Variants in SYT1 observed in about 807,000 individuals in gnomAD.
SYT1 encodes the protein synaptotagmin 1, also known as synaptotagmin-1.
A neutral mutation model predicts 44.8 loss-of-function variants in SYT1; 8 were observed. That is an observed-to-expected ratio of 0.18 (90% confidence interval 0.10 to 0.32). The LOEUF (loss-of-function observed/expected upper bound fraction) is 0.32, where lower values mean the gene tolerates loss of function less well. SYT1 is among the 10% of genes least tolerant of loss of function. The pLI is 1.00. For missense variants in SYT1, 286 were observed against 509.3 expected (o/e 0.56, Z 4.22); for synonymous variants, 154 against 188.8 (o/e 0.82, Z 1.51).
chr12:79,131,923 A>G (rs138162032), intron 3 of SYT1, among the ~76,000 whole-genome samples: 2 of 152,314 alleles, frequency 1.3e-5, no homozygotes, highest in African/African-American at 2.4e-5. Flanking sequence ...CTATACATGT[A>G]TGGAGCTATG....
chr12:79,353,677 T>C (rs1410715279), intron 9 of SYT1, 58 bp downstream of exon 9: 1 of 1,248,328 alleles, frequency 8.0e-7, no homozygotes, highest in Non-Finnish European at 1.2e-6. Flanking sequence ...GGATACCAAA[T>C]GCATGGCGCA....
chr12:79,443,775 T>C (rs1475330349), intron 9 of SYT1, among the ~76,000 whole-genome samples: 4 of 152,146 alleles, frequency 2.6e-5, no homozygotes, highest in Non-Finnish European at 5.9e-5. Context: ...GGGGTATATA[T>C]ATACCATAGA....
chr12:79,005,774 A>C (rs1871037600), intron 2 of SYT1, among the ~76,000 whole-genome samples: 1 of 152,100 alleles, frequency 6.6e-6, no homozygotes, highest in South Asian at 2.1e-4. Flanking sequence ...AGAGTTCCAA[A>C]AGCTTTCACT....
chr12:79,147,436 A>AT (rs1869988252), intron 3 of SYT1, among the ~76,000 whole-genome samples: 1 of 151,982 alleles, frequency 6.6e-6, no homozygotes, highest in African/African-American at 2.4e-5. Context: ...TGTACAGCCT[A>AT]TTTTTTTTCT....
In SYT1 at chr12:78,878,761, G is replaced by A. The variant is rs1026149531; in HGVS notation, c.-217+13652G>A. ...ACAAAAGCCTCAAGGGCTTCAGCAC[G>A]AAAGCTTTATTCCTTGGACATACCA... On this transcript the variant is annotated intron_variant, in intron 1 of 10. Transcript: ENST00000261205. Among the ~76,000 whole-genome samples the A allele has an allele frequency of 9.2e-5, 14 of 151,682 alleles. 1 individual carries two copies. Among genetic ancestry groups the A allele is most frequent in the Non-Finnish European group, 3.0e-5 (2 of 67,794 alleles).
chr12:78,983,107 T>G (rs1157538892), intron 2 of SYT1, among the ~76,000 whole-genome samples: 1 of 151,760 alleles, frequency 6.6e-6, no homozygotes, highest in Non-Finnish European at 1.5e-5. Flanking sequence ...TTTCAGTCAG[T>G]AATCCTACTC....
rs200911530 is a variant in SYT1 at position 79,042,021 on chromosome 12, T to G, written c.-83-5276T>G. 3.8e-3 allele frequency among the ~76,000 whole-genome samples: 572 copies of G among 151,078 alleles called. 10 individuals carry two copies. In the East Asian group the frequency reaches 0.059, roughly 16 times the overall value. On this transcript the variant is annotated intron_variant, in intron 2 of 10. Transcript: ENST00000261205. ...GCTTTTTGATGTGCTGCTGGATTCGTTTTGCCAGTATTTTATTGAGGATTT... is the reference window on the plus strand; with the variant it reads ...GCTTTTTGATGTGCTGCTGGATTCGGTTTGCCAGTATTTTATTGAGGATTT...
chr12:79,176,174 C>T (rs1871851913), intron 3 of SYT1, among the ~76,000 whole-genome samples: 1 of 151,632 alleles, frequency 6.6e-6, no homozygotes, highest in Non-Finnish European at 1.5e-5. Context: ...CCTGGAATCC[C>T]AGCTACTTGG....
intron 1 of SYT1, among the ~76,000 whole-genome samples, chr12:78,928,363 G>A (rs549053575): frequency 6.6e-6 from 1 of 152,224 alleles, no homozygotes; most frequent in Admixed American, 6.5e-5. Context: ...AACTTTTATA[G>A]TGAAGTATGA....
intron 4 of SYT1, among the ~76,000 whole-genome samples, chr12:79,229,237 G>A (rs193016987): frequency 6.6e-6 from 1 of 152,272 alleles, no homozygotes; most frequent in African/African-American, 2.4e-5. Flanking sequence ...TTGAGACTAG[G>A]TTAATTACTG....
At chr12:79,111,533 A>G (rs1879010195) in intron 3 of SYT1, among the ~76,000 whole-genome samples, 1 of 152,056 alleles carries the variant, frequency 6.6e-6, no homozygotes, top group East Asian at 1.9e-4. Context: ...TAAAACTATC[A>G]CGATGCCTCC....
chr12:78,996,742 A>G (rs6539168), intron 2 of SYT1, among the ~76,000 whole-genome samples: 31,187 of 152,076 alleles, frequency 0.21, 3,789 homozygotes, highest in African/African-American at 0.35. Context: ...ACTCTAGTTT[A>G]CCAAAATACA....
intron 1 of SYT1, among the ~76,000 whole-genome samples, chr12:78,902,053 G>C (rs980235049): frequency 1.1e-4 from 17 of 151,970 alleles, no homozygotes; most frequent in African/African-American, 4.1e-4. Flanking sequence ...GGGGATGGGA[G>C]GGAGGGATAG....
At chr12:79,104,680 T>C (rs1878616412) in intron 3 of SYT1, among the ~76,000 whole-genome samples, 2 of 151,856 alleles carry the variant, frequency 1.3e-5, no homozygotes, top group Admixed American at 6.6e-5. Context: ...TAAAGGCTTC[T>C]GGTAAACGAA....
chr12:79,052,367 A>G (rs1322939890), intron 3 of SYT1, among the ~76,000 whole-genome samples: 3 of 152,182 alleles, frequency 2.0e-5, no homozygotes, highest in Non-Finnish European at 4.4e-5. Context: ...AAGATGGATT[A>G]AAGACTTACA....
intron 8 of SYT1, among the ~76,000 whole-genome samples, chr12:79,309,233 C>A (rs1266569260): frequency 6.6e-6 from 1 of 152,184 alleles, no homozygotes; most frequent in Non-Finnish European, 1.5e-5. Context: ...TTTGTAGGTT[C>A]TTTGGCCAGG....
chr12:78,999,506 C>T (rs1260200663), intron 2 of SYT1, among the ~76,000 whole-genome samples: 7 of 152,156 alleles, frequency 4.6e-5, no homozygotes, highest in Admixed American at 4.6e-4. Context: ...ATTTATATCA[C>T]CTTTCCTTTT....
intron 3 of SYT1, among the ~76,000 whole-genome samples, chr12:79,187,473 G>A (rs1872870340): frequency 6.6e-6 from 1 of 152,022 alleles, no homozygotes; most frequent in Admixed American, 6.6e-5. Flanking sequence ...CAGCTGACAA[G>A]CACCTGGGAT....
chr12:78,980,213 A>G (rs1237569833), intron 2 of SYT1, among the ~76,000 whole-genome samples: 2 of 152,202 alleles, frequency 1.3e-5, no homozygotes, highest in Admixed American at 1.3e-4. Context: ...TGAACCATGA[A>G]AAGACGGAAT....
Sources: gnomAD v4.1 joint callset for allele counts (sites outside exome capture counted in the v4.1 genomes callset) on GRCh38, gnomAD v4.1.1 for gene constraint, MANE v1.5 for transcripts, NCBI Gene and HGNC (gene_info 2026-07-23, HGNC 2026-07-21) for gene names.